FSIP1: variants seen among roughly 807,000 people sequenced by gnomAD.
FSIP1 encodes fibrous sheath-interacting protein 1.
In FSIP1, 65 loss-of-function variants were observed where a neutral mutation model predicts 60.9. That is an observed-to-expected ratio of 1.07 (90% CI 0.87 to 1.31). The LOEUF (loss-of-function observed/expected upper bound fraction) is 1.31. FSIP1 is among the 40% of genes most tolerant of loss of function. The pLI is 0.00. For synonymous variants in FSIP1, 209 were observed against 221.2 expected, an observed-to-expected ratio of 0.94 and a Z score of 0.49; for missense variants, 675 against 665.5, an observed-to-expected ratio of 1.01 and a Z score of -0.16.
chr15:39,609,313 C>T (rs763209675), intron 11 of FSIP1, among the ~76,000 whole-genome samples: 1 of 152,192 alleles, frequency 6.6e-6, no homozygotes, highest in Non-Finnish European at 1.5e-5. Context: ...GCTTCCCCAC[C>T]TAGCTCTGGT....
At chr15:39,745,290 T>C (rs933408393) in intron 5 of FSIP1, among the ~76,000 whole-genome samples, 3 of 152,178 alleles carry the variant, frequency 2.0e-5, no homozygotes, top group African/African-American at 7.2e-5. Flanking sequence ...CTATAGATTC[T>C]TGGAAACTGC....
intron 5 of FSIP1, among the ~76,000 whole-genome samples, chr15:39,742,477 T>A (rs944024218): frequency 1.3e-5 from 2 of 152,262 alleles, no homozygotes; most frequent in African/African-American, 4.8e-5. Flanking sequence ...TATTTTTATG[T>A]TCTCCTATTA....
chr15:39,604,703 T>C (rs1266575353), intron 11 of FSIP1, among the ~76,000 whole-genome samples: 2 of 152,212 alleles, frequency 1.3e-5, no homozygotes, highest in Admixed American at 6.5e-5. Flanking sequence ...ACTAAGGGCA[T>C]TGAAGAAGCA....
chr15:39,691,508 C>T (rs75291914), intron 10 of FSIP1, among the ~76,000 whole-genome samples: 2,046 of 152,302 alleles, frequency 0.013, 38 homozygotes, highest in African/African-American at 0.047. Flanking sequence ...TGTACAGTGA[C>T]GCAGTCGTCC....
chr15:39,713,199 T>C (rs1230607971), intron 10 of FSIP1, among the ~76,000 whole-genome samples: 3 of 152,214 alleles, frequency 2.0e-5, no homozygotes, highest in Non-Finnish European at 4.4e-5. Context: ...ATTTAACACA[T>C]GAGAACAGTC....
chr15:39,716,818 T>TTTC (rs1555394963), intron 9 of FSIP1, among the ~76,000 whole-genome samples: 50 of 143,890 alleles, frequency 3.5e-4, no homozygotes, highest in African/African-American at 1.3e-3. Flanking sequence ...ATGTCTTTTT[T>TTTC]TTTTTTTTTT....
chr15:39,695,156 C>G lies in FSIP1; in HGVS notation c.1188+18288G>C, dbSNP rs539718403. Among the ~76,000 whole-genome samples the G allele has an allele frequency of 2.5e-4, 38 of 152,224 alleles. 1 individual carries two copies. The highest frequency in any genetic ancestry group is 5.2e-4 in the Admixed American group (8 of 15,284). On this transcript the variant is annotated intron_variant, in intron 10 of 11. Transcript: ENST00000350221. The stretch of plus-strand genomic sequence containing the variant: ...CTGCATGCAATAGGCATGCCATGCC[C>G]ACCATTTTGAAAAGGTACTAGCTGC...
At chr15:39,675,240 T>G (rs1241562778) in intron 10 of FSIP1, among the ~76,000 whole-genome samples, 3 of 152,190 alleles carry the variant, frequency 2.0e-5, no homozygotes, top group Non-Finnish European at 2.9e-5. Context: ...TGTAAACTGG[T>G]ACAACTACTT....
chr15:39,632,224 C>A (rs771966583), intron 10 of FSIP1, among the ~76,000 whole-genome samples: 1 of 152,152 alleles, frequency 6.6e-6, no homozygotes, highest in Non-Finnish European at 1.5e-5. Context: ...GTCACCCAGG[C>A]TGGAGTGCAG....
chr15:39,687,355 T>C (rs1252373960), intron 10 of FSIP1, among the ~76,000 whole-genome samples: 2 of 152,014 alleles, frequency 1.3e-5, no homozygotes, highest in Non-Finnish European at 2.9e-5. Context: ...GGTTTCACCA[T>C]GTTGGCCAGG....
At chr15:39,698,513 C>T (rs1237281902) in intron 10 of FSIP1, among the ~76,000 whole-genome samples, 2 of 152,154 alleles carry the variant, frequency 1.3e-5, no homozygotes, top group African/African-American at 4.8e-5. Flanking sequence ...AAAACACCTG[C>T]CACTAGTTAC....
At chr15:39,680,186 C>A (rs1036115231) in intron 10 of FSIP1, among the ~76,000 whole-genome samples, 2 of 152,120 alleles carry the variant, frequency 1.3e-5, no homozygotes, top group South Asian at 2.1e-4. Context: ...AAAAAAAATT[C>A]TATTAATAAA....
chr15:39,755,017 C>T (rs529050921), intron 5 of FSIP1, among the ~76,000 whole-genome samples: 3 of 151,596 alleles, frequency 2.0e-5, no homozygotes, highest in Admixed American at 2.0e-4. Flanking sequence ...AGAAGTCTGA[C>T]CTTTAAGGAG....
At chr15:39,686,257 T>C (rs1894369679) in intron 10 of FSIP1, among the ~76,000 whole-genome samples, 1 of 152,222 alleles carries the variant, frequency 6.6e-6, no homozygotes, top group Non-Finnish European at 1.5e-5. Flanking sequence ...CTCAAAACCA[T>C]ATTTCCACCT....
chr15:39,727,976 T>C (rs1341872381), intron 8 of FSIP1, among the ~76,000 whole-genome samples: 1 of 152,120 alleles, frequency 6.6e-6, no homozygotes, highest in Non-Finnish European at 1.5e-5. Flanking sequence ...ATCAATAACA[T>C]TTCTATATAC....
chr15:39,645,879 C>T (rs914025914), intron 10 of FSIP1, among the ~76,000 whole-genome samples: 9 of 152,202 alleles, frequency 5.9e-5, no homozygotes, highest in Admixed American at 1.3e-4. Context: ...AGACAGAGTC[C>T]GGGGTGGAAG....
chr15:39,642,809 T>C (rs1892429973), intron 10 of FSIP1, among the ~76,000 whole-genome samples: 3 of 152,224 alleles, frequency 2.0e-5, no homozygotes, highest in Admixed American at 2.0e-4. Context: ...TAACATTATA[T>C]ATAAGTTGAT....
chr15:39,598,319 G>A (rs1388570157), downstream of FSIP1: 1 of 152,160 alleles, frequency 6.6e-6, no homozygotes, highest in Non-Finnish European at 1.5e-5. Context: ...TCATCTTTCT[G>A]AGTAGCCATG....
rs565845665 is a variant in FSIP1 at position 39,622,142 on chromosome 15, G to T, written c.1189-3897C>A. ...AAGCACCATAACTGAACCACTCACT[G>T]TGCAGGCACTGTCAAGTAACCATCT... is the stretch of plus-strand genomic sequence containing the variant. On this transcript the variant is annotated intron_variant, in intron 10 of 11. Transcript: ENST00000350221. Among the ~76,000 whole-genome samples, 14 of 149,516 alleles carry T rather than the reference G, an allele frequency of 9.4e-5. No homozygotes were observed. The South Asian group carries it at 3.0e-3, about 32-fold the overall frequency.
Sources: gnomAD v4.1 joint callset for allele counts (sites outside exome capture counted in the v4.1 genomes callset) on GRCh38, gnomAD v4.1.1 for gene constraint, MANE v1.5 for transcripts, NCBI Gene and HGNC (gene_info 2026-07-23, HGNC 2026-07-21) for gene names.